NUMA1: variants seen among roughly 807,000 people sequenced by gnomAD.
The protein encoded by NUMA1 is nuclear mitotic apparatus protein 1.
Under a neutral mutation model 237.1 loss-of-function variants are expected in NUMA1, and 62 were observed. That is an observed-to-expected ratio of 0.26 (90% CI 0.21 to 0.32). The LOEUF is 0.32. Ranked by LOEUF, NUMA1 falls within the 10% of genes least tolerant of loss-of-function variation. The pLI is 1.00. For missense variants in NUMA1, 2,533 were observed against 2,666.5 expected (o/e 0.95, Z 1.10); for synonymous variants, 1,028 against 1,066.1 (o/e 0.96, Z 0.70).
intron 4 of NUMA1, among the ~76,000 whole-genome samples, chr11:72,025,099 T>C (rs1166812379): frequency 2.0e-5 from 3 of 152,190 alleles, no homozygotes; most frequent in Admixed American, 1.3e-4. Context: ...GGTTTCGCCA[T>C]GTTGGCCAGG....
Position 72,016,004 on chromosome 11 carries a change from AC to A in NUMA1, c.1498del (p.Val500TrpfsTer4), listed in dbSNP as rs768255089. 1 of 1,613,810 alleles carries A rather than the reference AC, an allele frequency of 6.2e-7. No individual in the cohort carries two copies. Among genetic ancestry groups the A allele is most frequent in the Admixed American group, 1.7e-5 (1 of 59,986 alleles). ...GGTGAGCTCAGAGGTCAGAGAGGCCACCTGGGCAGTCAACCGGGCCCCATGA... is the reference window on the plus strand; with the variant it reads ...GGTGAGCTCAGAGGTCAGAGAGGCCACTGGGCAGTCAACCGGGCCCCATGA... ...QAHGARLTAQ[V>X]ASLTSELTTL... On this transcript the variant is annotated frameshift_variant, in exon 15 of 27. Transcript: ENST00000393695. LOFTEE classifies it high-confidence loss of function.
At position 72,006,270 on chromosome 11, in the gene NUMA1, G is replaced by GA; in HGVS notation, c.5464-8dup. 6.2e-7 allele frequency: 1 copy of GA among 1,613,116 alleles called. No homozygotes were observed. Among genetic ancestry groups the GA allele is most frequent in the Non-Finnish European group, 8.5e-7 (1 of 1,179,184 alleles). ...GCTCTTCCACATCTAGCTTCTGGAA[G>GA]ACAGAGTGAATCTGTTGCAGTGTAC... is the stretch of plus-strand genomic sequence containing the variant. On this transcript the variant is annotated splice_polypyrimidine_tract_variant and splice_region_variant and intron_variant, in intron 21 of 26. Transcript: ENST00000393695.
chr11:72,008,835 G>A lies in NUMA1; in HGVS notation c.5069C>T (p.Ala1690Val). ...VRSLEAQVAH[A>V]DQQLRDLGKF... ...GCCCAGGTCTCGAAGCTGCTGGTCT[G>A]CATGGGCAACCTGAGAAGGAGAGGG... The change falls in exon 20 of 27, where the codon GCA (alanine) becomes GTA (valine). Residue 1690 changes from alanine (A) to valine (V), a missense_variant. Ala to Val is a moderately conservative substitution (Grantham distance 64, BLOSUM62 0). Transcript: ENST00000393695. 1 of 1,614,162 alleles carries A rather than the reference G, an allele frequency of 6.2e-7. No homozygotes were observed. The highest frequency in any genetic ancestry group is 1.1e-5 in the South Asian group (1 of 91,082).
rs376856904 is a variant in NUMA1, at chr11:72,014,550, G to A, written c.2953C>T (p.Arg985Trp). The A allele has an allele frequency of 2.7e-5, 43 of 1,602,388 alleles. No individual in the cohort carries two copies. Among genetic ancestry groups the A allele is most frequent in the Non-Finnish European group, 1.4e-5 (17 of 1,179,960 alleles). ...EQMGNELERL[R>W]AALMESQGQQ... ...CCCTGGCTCTCCATCAGCGCGGCCC[G>A]CAGCCGTTCCAGCTCATTGCCCATC... The change falls in exon 15 of 27, where the codon CGG (arginine) becomes TGG (tryptophan). Residue 985 changes from arginine (R) to tryptophan (W), a missense_variant. Coordinates refer to ENST00000393695, the MANE Select transcript of NUMA1 (RefSeq NM_006185.4). This position sits in a 1 kb window ranked among gnomAD's most constrained non-coding sequence, Gnocchi z 4.6.
At chr11:72,061,612 T>G (rs768485258) in intron 2 of NUMA1, among the ~76,000 whole-genome samples, 9 of 147,630 alleles carry the variant, frequency 6.1e-5, no homozygotes, top group Non-Finnish European at 1.0e-4. Flanking sequence ...TTCCTCAGAC[T>G]CCTGAGTAGC....
At position 72,009,037 on chromosome 11, in the gene NUMA1, C is replaced by T; in HGVS notation, c.4988G>A (p.Gly1663Glu). Residue 1663 changes from glycine (G) to glutamate (E), a missense_variant, in exon 19 of 27, where the codon GGG becomes GAG. Around this residue, in one of 3 missense-constraint regions of NUMA1, gnomAD observed 795 missense variants for 750.8 expected, o/e 1.06. Coordinates refer to ENST00000393695, the MANE Select transcript of NUMA1 (RefSeq NM_006185.4). ...CTGTTCAGCCTCCTTGGTCTTCAGC[C>T]CAGCCTGCTGTAGCTCATGGCCCAG... ...ERLGHELQQA[G>E]LKTKEAEQTC... The T allele has an allele frequency of 6.2e-7, 1 of 1,613,810 alleles. No individual in the cohort carries two copies. Among genetic ancestry groups the T allele is most frequent in the Non-Finnish European group, 8.5e-7 (1 of 1,180,028 alleles).
rs373783724 is a variant in NUMA1 at position 72,009,367 on chromosome 11, G to T, written c.4740C>A (p.Gly1580=). 2 of 1,609,386 alleles carry T rather than the reference G, an allele frequency of 1.2e-6. No individual in the cohort carries two copies. The highest frequency in any genetic ancestry group is 1.7e-6 in the Non-Finnish European group (2 of 1,179,386). The change falls in exon 18 of 27, where the codon GGC becomes GGA. Residue 1580 remains glycine, a synonymous_variant. Transcript: ENST00000393695. The part of the protein sequence containing the change: ...QKLKAVQAQG[G]ESQQEAQRLQ... ...GGCGCTGGGCCTCCTGCTGGCTCTC[G>T]CCTCCCTGAGCCTGGACAGCCTGAG...
At chr11:72,007,841 C>T (rs2134574331) in intron 20 of NUMA1, 1 of 350,294 alleles carries the variant, frequency 2.9e-6, no homozygotes, top group South Asian at 2.4e-5. Flanking sequence ...TTGGCGAGCC[C>T]AATCACCAAG....
intron 3 of NUMA1, among the ~76,000 whole-genome samples, chr11:72,032,267 TTATAA>T (rs1940442850): frequency 6.6e-6 from 1 of 152,282 alleles, no homozygotes; most frequent in Admixed American, 6.5e-5. Flanking sequence ...GCTAATATAT[TTATAA>T]TATATTTTTA....
chr11:72,003,956 G>A lies in NUMA1; in HGVS notation c.6267C>T (p.Arg2089=), dbSNP rs780571446. 2.5e-5 allele frequency: 41 copies of A among 1,613,604 alleles called. No individual in the cohort carries two copies. The South Asian group carries it at 4.1e-4, about 16-fold the overall frequency. ...NTRSGTRRSP[R]IATTTASAAT... ...CGGCGCTGGCTGTGGTGGTGGCAAT[G>A]CGCGGAGAACGGCGGGTTCCACTGC... The change falls in exon 26 of 27, where the codon CGC becomes CGT. Residue 2089 remains arginine (R), a synonymous_variant. Coordinates refer to ENST00000393695, the MANE Select transcript of NUMA1 (RefSeq NM_006185.4).
rs143154941 is a variant in NUMA1, at chr11:72,062,156, AT to A, written c.-33+7685del. Among the ~76,000 whole-genome samples, 311 of 152,298 alleles carry A rather than the reference AT, an allele frequency of 2.0e-3. 2 individuals carry two copies. The highest frequency in any genetic ancestry group is 7.1e-3 in the African/African-American group (297 of 41,564). ...GAGAATTTTAAGCCATTCAGTTCCT[AT>A]ACGGCAGGCAGGAAAGGTGTCATCC... On this transcript the variant is annotated intron_variant, in intron 2 of 26. Transcript: ENST00000393695.
intron 2 of NUMA1, among the ~76,000 whole-genome samples, chr11:72,048,236 A>G (rs551629278): frequency 1.3e-5 from 2 of 152,116 alleles, no homozygotes; most frequent in Non-Finnish European, 2.9e-5. Flanking sequence ...AGCTGGGATA[A>G]TAGGCATGAG....
intron 2 of NUMA1, among the ~76,000 whole-genome samples, chr11:72,038,428 C>T (rs988520160): frequency 6.6e-6 from 1 of 152,184 alleles, no homozygotes; most frequent in Admixed American, 6.5e-5. Flanking sequence ...AGGACCTTGT[C>T]TGCTCTTCAG....
At position 72,007,185 on chromosome 11, in the gene NUMA1, T is replaced by C; in HGVS notation, c.5463+4A>G. 1 of 1,607,200 alleles carries C rather than the reference T, an allele frequency of 6.2e-7. No individual in the cohort carries two copies. Among genetic ancestry groups the C allele is most frequent in the Non-Finnish European group, 8.5e-7 (1 of 1,179,850 alleles). The stretch of plus-strand genomic sequence containing the variant: ...CCCTGCAGCCCCTGTCCCAGCAGCC[T>C]GACCTTGGTCATGGTGATGTTGATG... On this transcript the variant is annotated splice_donor_region_variant and intron_variant, in intron 21 of 26. Transcript: ENST00000393695.
chr11:72,056,325 CTT>C (rs34278553), intron 2 of NUMA1, among the ~76,000 whole-genome samples: 1 of 139,866 alleles, frequency 7.1e-6, no homozygotes, highest in Non-Finnish European at 1.5e-5. Context: ...TCCCATCTCT[CTT>C]TTTTTTTTTT....
intron 2 of NUMA1, among the ~76,000 whole-genome samples, chr11:72,051,893 C>G (rs918970210): frequency 6.6e-6 from 1 of 152,148 alleles, no homozygotes; most frequent in Non-Finnish European, 1.5e-5. Flanking sequence ...ATAACACAAG[C>G]AAGGCTAGTG....
At position 72,018,524 on chromosome 11, in the gene NUMA1, T is replaced by C. The variant is rs1938233472; in HGVS notation, c.743-11A>G. ...TGGCTATCTGTGCATCTGCCCAGAG[T>C]GGAGGGAGGAGGAGAGGAGAATCAG... is the stretch of plus-strand genomic sequence containing the variant. On this transcript the variant is annotated splice_polypyrimidine_tract_variant and intron_variant, in intron 10 of 26. Transcript: ENST00000393695. 1 of 1,603,854 alleles carries C rather than the reference T, an allele frequency of 6.2e-7. No individual in the cohort carries two copies.
At chr11:72,064,337 C>T (rs1372435502) in intron 2 of NUMA1, among the ~76,000 whole-genome samples, 1 of 151,692 alleles carries the variant, frequency 6.6e-6, no homozygotes, top group African/African-American at 2.4e-5. Flanking sequence ...ATGGCATGCG[C>T]CTGTAGTTCA....
At chr11:72,026,276 A>C (rs1305564031) in intron 4 of NUMA1, among the ~76,000 whole-genome samples, 1 of 152,266 alleles carries the variant, frequency 6.6e-6, no homozygotes, top group African/African-American at 2.4e-5. Context: ...TGCAGCACTC[A>C]TGAATGCAAC....
Sources: gnomAD v4.1 joint callset for allele counts (sites outside exome capture counted in the v4.1 genomes callset) on GRCh38, gnomAD v4.1.1 for gene constraint, gnomAD v4.1.1 regional missense constraint, Gnocchi (gnomAD v3.1) non-coding constraint, MANE v1.5 for transcripts, NCBI Gene and HGNC (gene_info 2026-07-23, HGNC 2026-07-21) for gene names.